SEMA3A: variants seen among roughly 807,000 people sequenced by gnomAD.
SEMA3A encodes semaphorin 3A.
Under a neutral mutation model 97.9 loss-of-function variants are expected in SEMA3A, and 29 were observed. That is an observed-to-expected ratio of 0.30 (90% confidence interval 0.22 to 0.40). The LOEUF (loss-of-function observed/expected upper bound fraction) is 0.40. Among genes scored for constraint, SEMA3A ranks in the 10% least tolerant of loss-of-function variants. The probability of loss-of-function intolerance (pLI) is 1.00; values close to 1 mark genes in which losing one functional copy is unlikely to be tolerated. For synonymous variants in SEMA3A, 321 were observed against 323.7 expected (o/e 0.99, Z 0.09); for missense variants, 763 against 951.3 (o/e 0.80, Z 2.60).
At chr7:84,220,936 G>C (rs1007365756) in intron 3 of SEMA3A, among the ~76,000 whole-genome samples, 15 of 152,100 alleles carry the variant, frequency 9.9e-5, no homozygotes, top group Non-Finnish European at 5.9e-5. Context: ...GAGTTGGTCT[G>C]TGCTTTCAAA....
intron 1 of SEMA3A, among the ~76,000 whole-genome samples, chr7:84,412,041 A>T (rs1804283552): frequency 6.6e-6 from 1 of 152,110 alleles, no homozygotes; most frequent in South Asian, 2.1e-4. Flanking sequence ...ACCTATAGTG[A>T]CTTTTCTTAT....
chr7:84,248,405 C>A (rs1241861386), intron 3 of SEMA3A, among the ~76,000 whole-genome samples: 3 of 152,152 alleles, frequency 2.0e-5, no homozygotes, highest in African/African-American at 7.2e-5. Context: ...GCCCGGCATG[C>A]AAATACTTCA....
At chr7:84,315,118 A>G (rs1801463745) in intron 2 of SEMA3A, among the ~76,000 whole-genome samples, 1 of 152,278 alleles carries the variant, frequency 6.6e-6, no homozygotes, top group South Asian at 2.1e-4. Flanking sequence ...AACCTTACCA[A>G]TATCAAACTC....
At chr7:84,059,559 TTTA>T (rs1793133346) in intron 5 of SEMA3A, among the ~76,000 whole-genome samples, 1 of 151,914 alleles carries the variant, frequency 6.6e-6, no homozygotes, top group African/African-American at 2.4e-5. Context: ...TTAATCAAGA[TTTA>T]TTATTTAAAA....
At position 83,981,497 on chromosome 7, in the gene SEMA3A, G is replaced by A. The variant is rs1789416588; in HGVS notation, c.1495-19C>T. The A allele has an allele frequency of 6.4e-7, 1 of 1,556,492 alleles. No homozygotes were observed. Among genetic ancestry groups the A allele is most frequent in the Non-Finnish European group, 8.7e-7 (1 of 1,152,012 alleles). Reference sequence around the variant, plus strand: ...GTTGTTGCTGTGGAAAGAGTTTACTGCTGTGACAAAAACTATCTTGTCTTT... The same window carrying A: ...GTTGTTGCTGTGGAAAGAGTTTACTACTGTGACAAAAACTATCTTGTCTTT... On this transcript the variant is annotated intron_variant, in intron 13 of 16. Transcript: ENST00000265362.
intron 15 of SEMA3A, among the ~76,000 whole-genome samples, chr7:83,966,371 T>C (rs977136368): frequency 2.6e-5 from 4 of 152,310 alleles, no homozygotes; most frequent in Non-Finnish European, 5.9e-5. Flanking sequence ...AGAAACATTC[T>C]GATATTCAGG....
chr7:84,030,378 T>C (rs1791697071), intron 6 of SEMA3A, among the ~76,000 whole-genome samples: 1 of 152,186 alleles, frequency 6.6e-6, no homozygotes, highest in South Asian at 2.1e-4. Context: ...ATCAAATTTT[T>C]AGACAGTATG....
At chr7:84,336,637 G>C (rs2115970053) in intron 2 of SEMA3A, among the ~76,000 whole-genome samples, 1 of 152,198 alleles carries the variant, frequency 6.6e-6, no homozygotes, top group East Asian at 1.9e-4. Context: ...GCTGAAGGAG[G>C]AGGAACCAGA....
rs190082073 is a variant in SEMA3A at position 84,283,225 on chromosome 7, C to T, written c.-83+23982G>A. Among the ~76,000 whole-genome samples the T allele has an allele frequency of 6.6e-5, 10 of 152,076 alleles. No individual in the cohort carries two copies. The East Asian group carries it at 1.7e-3, about 27-fold the overall frequency. On this transcript the variant is annotated intron_variant, in intron 3 of 3. Coordinates refer to the SEMA3A transcript ENST00000424555. ...CTTCTCAGCACACCCAACATCATAC[C>T]ATTCTAGAAGCAGTATACCGATGAA...
At chr7:84,260,999 G>A (rs565225425) in intron 3 of SEMA3A, among the ~76,000 whole-genome samples, 47 of 152,206 alleles carry the variant, frequency 3.1e-4, no homozygotes, top group African/African-American at 1.1e-3. Context: ...TAATCAACAT[G>A]CATTTCCTCC....
At chr7:84,133,170 A>T (rs1329585050) in intron 2 of SEMA3A, among the ~76,000 whole-genome samples, 1 of 152,182 alleles carries the variant, frequency 6.6e-6, no homozygotes, top group East Asian at 1.9e-4. Flanking sequence ...AATCAATTGA[A>T]TTGAAAAATC....
chr7:84,266,136 T>C (rs925279770), intron 3 of SEMA3A, among the ~76,000 whole-genome samples: 1 of 151,530 alleles, frequency 6.6e-6, no homozygotes, highest in African/African-American at 2.4e-5. Context: ...CTGGCCAACA[T>C]GGCAAAACCC....
intron 1 of SEMA3A, among the ~76,000 whole-genome samples, chr7:84,397,452 A>G (rs1803766735): frequency 6.7e-6 from 1 of 148,312 alleles, no homozygotes; most frequent in Non-Finnish European, 1.5e-5. Flanking sequence ...TTTTACATAT[A>G]TAACGTATAC....
At chr7:84,439,721 A>G (rs983227496) in intron 1 of SEMA3A, among the ~76,000 whole-genome samples, 1 of 152,198 alleles carries the variant, frequency 6.6e-6, no homozygotes, top group Non-Finnish European at 1.5e-5. Flanking sequence ...CTGTAAACAC[A>G]AAAGAAATGG....
chr7:84,003,445 C>CTTAGT (rs1554391552), intron 11 of SEMA3A, among the ~76,000 whole-genome samples: 1 of 152,088 alleles, frequency 6.6e-6, no homozygotes, highest in Non-Finnish European at 1.5e-5. Context: ...TGATGTGCAA[C>CTTAGT]TTAGTTAAAA....
At chr7:84,238,688 C>A (rs1419344268) in intron 3 of SEMA3A, among the ~76,000 whole-genome samples, 1 of 151,934 alleles carries the variant, frequency 6.6e-6, no homozygotes, top group African/African-American at 2.4e-5. Flanking sequence ...AGGCATCTCT[C>A]TCTTTTAACT....
chr7:84,079,796 G>T (rs531231474), intron 4 of SEMA3A, among the ~76,000 whole-genome samples: 32 of 126,982 alleles, frequency 2.5e-4, no homozygotes, highest in East Asian at 1.3e-3. Context: ...TCAGTGTGGC[G>T]ATTCCTCAGG....
intron 2 of SEMA3A, among the ~76,000 whole-genome samples, chr7:84,349,229 C>T (rs1310521034): frequency 6.6e-6 from 1 of 152,086 alleles, no homozygotes; most frequent in Non-Finnish European, 1.5e-5. Context: ...CTTGGTAATA[C>T]ACCTCCATGT....
intron 1 of SEMA3A, among the ~76,000 whole-genome samples, chr7:84,435,989 A>G (rs958773877): frequency 6.6e-6 from 1 of 152,186 alleles, no homozygotes; most frequent in Admixed American, 6.5e-5. Context: ...AGACACATAG[A>G]TTAATGGAAC....
Sources: gnomAD v4.1 joint callset for allele counts (sites outside exome capture counted in the v4.1 genomes callset) on GRCh38, gnomAD v4.1.1 for gene constraint, MANE v1.5 for transcripts, NCBI Gene and HGNC (gene_info 2026-07-23, HGNC 2026-07-21) for gene names.